The following CCDC191 variants were observed in gnomAD, a reference collection of about 807,000 sequenced individuals.
CCDC191 encodes coiled-coil domain-containing protein 191.
In CCDC191, 99 loss-of-function variants were observed where a neutral mutation model predicts 114.0. That is an observed-to-expected ratio of 0.87 (90% CI 0.74 to 1.03). The LOEUF (loss-of-function observed/expected upper bound fraction) is 1.03, where lower values mean the gene tolerates loss of function less well. Among genes scored for constraint, CCDC191 ranks in the 50% least tolerant of loss-of-function variants. The pLI is 0.00. For missense variants in CCDC191, 973 were observed against 1,087.0 expected, an observed-to-expected ratio of 0.90 and a Z score of 1.47; for synonymous variants, 351 against 376.0, an observed-to-expected ratio of 0.93 and a Z score of 0.77.
rs901778071 is a variant in CCDC191 at position 113,978,997 on chromosome 3, T to C, written c.2321A>G (p.His774Arg). Reference protein sequence around the residue: ...SKQNIQVAEEHYSLFLQRKYM... With the variant: ...SKQNIQVAEERYSLFLQRKYM... The stretch of plus-strand genomic sequence containing the variant: ...TTTCCTCTGCAGGAACAAAGAGTAA[T>C]GTTCTTCTGCCACCTGGACAATTTT... Residue 774 changes from histidine to arginine, a missense_variant, in exon 15 of 17, where the codon CAT becomes CGT. Physicochemically the swap from His to Arg is conservative, Grantham distance 29. Coordinates refer to ENST00000295878, the MANE Select transcript of CCDC191 (RefSeq NM_020817.2). 6.2e-7 allele frequency: 1 copy of C among 1,613,640 alleles called. No homozygotes were observed. Among genetic ancestry groups the C allele is most frequent in the Non-Finnish European group, 8.5e-7 (1 of 1,179,834 alleles).
intron 7 of CCDC191, among the ~76,000 whole-genome samples, chr3:114,028,780 T>C (rs1054548897): frequency 1.3e-5 from 2 of 150,282 alleles, no homozygotes; most frequent in East Asian, 3.9e-4. Flanking sequence ...TATATTTATA[T>C]ATACATATAT....
At chr3:113,985,159 C>A (rs554974302) in intron 13 of CCDC191, among the ~76,000 whole-genome samples, 12 of 152,144 alleles carry the variant, frequency 7.9e-5, no homozygotes, top group Admixed American at 3.9e-4. Context: ...CTTATAAGAA[C>A]GCTACCAGGC....
chr3:114,022,965 G>A lies in CCDC191; in HGVS notation c.973-4097C>T, dbSNP rs1185431751. Reference sequence around the variant, plus strand: ...GATTGTATATCTAGAAAACCCCATCGTCTCAGCCCAAAATCTCCTTAAGCT... The same window carrying A: ...GATTGTATATCTAGAAAACCCCATCATCTCAGCCCAAAATCTCCTTAAGCT... On this transcript the variant is annotated intron_variant, in intron 7 of 16. Transcript: ENST00000295878. 5.9e-5 allele frequency among the ~76,000 whole-genome samples: 9 copies of A among 152,200 alleles called. No individual in the cohort carries two copies. The South Asian group carries it at 6.2e-4, about 11-fold the overall frequency.
chr3:114,046,849 T>C (rs968185664), intron 2 of CCDC191, 117 bp from the exon 3 acceptor site: 2 of 1,395,574 alleles, frequency 1.4e-6, no homozygotes, highest in Non-Finnish European at 9.3e-7. Context: ...CGTTCATTTT[T>C]CCATTTTTGG....
chr3:113,976,799 G>GTTA (rs953966144), intron 16 of CCDC191, among the ~76,000 whole-genome samples: 5 of 152,100 alleles, frequency 3.3e-5, no homozygotes, highest in African/African-American at 9.7e-5. Flanking sequence ...GCTTTGAAAG[G>GTTA]TTATTTGTTC....
At chr3:113,995,463 G>T (rs551062183) in intron 13 of CCDC191, among the ~76,000 whole-genome samples, 16 of 152,120 alleles carry the variant, frequency 1.1e-4, no homozygotes, top group Non-Finnish European at 1.9e-4. Context: ...GAATGTCAGG[G>T]ATTCCAGGAT....
At chr3:113,973,344 C>T (rs1471183161) in intron 16 of CCDC191, among the ~76,000 whole-genome samples, 1 of 152,114 alleles carries the variant, frequency 6.6e-6, no homozygotes, top group Non-Finnish European at 1.5e-5. Flanking sequence ...TGATTGCACA[C>T]CACAATTACA....
At chr3:114,006,610 A>ATATATATATAAATATATATATTT (rs2075969984) in intron 9 of CCDC191, among the ~76,000 whole-genome samples, 1 of 128,382 alleles carries the variant, frequency 7.8e-6, no homozygotes, top group African/African-American at 3.0e-5. Flanking sequence ...ATATATATAT[A>ATATATATATAAATATATATATTT]TATATATAAA....
At chr3:113,966,316 A>G (rs777944285) in intron 16 of CCDC191, among the ~76,000 whole-genome samples, 6 of 152,156 alleles carry the variant, frequency 3.9e-5, no homozygotes, top group Non-Finnish European at 5.9e-5. Flanking sequence ...GAAGCATGCA[A>G]TGGCCTTTTA....
intron 16 of CCDC191, among the ~76,000 whole-genome samples, chr3:113,969,649 G>A (rs557849206): frequency 1.3e-5 from 2 of 152,240 alleles, no homozygotes; most frequent in African/African-American, 4.8e-5. Context: ...TCAAAGATGA[G>A]TTGGTTGTAA....
At chr3:113,965,884 T>C (rs1385670520) in intron 16 of CCDC191, among the ~76,000 whole-genome samples, 3 of 152,120 alleles carry the variant, frequency 2.0e-5, no homozygotes, top group Non-Finnish European at 4.4e-5. Context: ...TGTGGGCCAC[T>C]GTGCCTGGCC....
chr3:114,012,222 CGTGTGT>C (rs35908762), intron 8 of CCDC191, among the ~76,000 whole-genome samples: 3 of 150,508 alleles, frequency 2.0e-5, no homozygotes, highest in Non-Finnish European at 1.5e-5. Flanking sequence ...ACTCAATATA[CGTGTGT>C]GTGTGTGTGT....
At chr3:114,049,597 T>G (rs150024464) in intron 2 of CCDC191, among the ~76,000 whole-genome samples, 1 of 151,860 alleles carries the variant, frequency 6.6e-6, no homozygotes, top group Non-Finnish European at 1.5e-5. Context: ...GGTAGAGAGG[T>G]TGGGAGAGAA....
chr3:114,026,002 A>AG lies in CCDC191; in HGVS notation c.972+5623dup, dbSNP rs917375716. Among the ~76,000 whole-genome samples, 50 of 152,178 alleles carry AG rather than the reference A, an allele frequency of 3.3e-4. 1 individual carries two copies. The highest frequency in any genetic ancestry group is 3.7e-4 in the Non-Finnish European group (25 of 68,024). On this transcript the variant is annotated intron_variant, in intron 7 of 16. Coordinates refer to ENST00000295878, the MANE Select transcript of CCDC191 (RefSeq NM_020817.2). ...TATTCATCTGAAATGTCTAGTGTTT[A>AG]GGGGGGAAATATTCTACTCTATACA...
rs1040485092 is a variant in CCDC191 at position 113,971,097 on chromosome 3, G to A, written c.2607-5738C>T. 2.0e-5 allele frequency among the ~76,000 whole-genome samples: 3 copies of A among 152,104 alleles called. No individual in the cohort carries two copies. In the East Asian group the frequency reaches 5.8e-4, roughly 29 times the overall value. On this transcript the variant is annotated intron_variant, in intron 16 of 16. Coordinates refer to ENST00000295878, the MANE Select transcript of CCDC191 (RefSeq NM_020817.2). ...TATATACCCAGTAACGGGATGGGTG[G>A]GTCAAATGGTATTTCTAGTTCTAGA...
intron 4 of CCDC191, among the ~76,000 whole-genome samples, chr3:114,038,017 T>C (rs2076510527): frequency 6.6e-6 from 1 of 152,206 alleles, no homozygotes; most frequent in Non-Finnish European, 1.5e-5. Context: ...GCTTACCTTT[T>C]CAAGAAACTA....
chr3:113,989,013 G>A (rs2075467301), intron 13 of CCDC191, among the ~76,000 whole-genome samples: 3 of 152,126 alleles, frequency 2.0e-5, no homozygotes, highest in Admixed American at 6.5e-5. Flanking sequence ...AGCCAGGATA[G>A]TCTTGATCTC....
intron 13 of CCDC191, among the ~76,000 whole-genome samples, chr3:113,985,513 G>C (rs1157902461): frequency 1.3e-5 from 2 of 152,198 alleles, no homozygotes; most frequent in Non-Finnish European, 2.9e-5. Context: ...TACCACTGGA[G>C]TGGGAACAGA....
rs925867473 is a variant in CCDC191 at position 113,982,861 on chromosome 3, A to AC, written c.2164-2069_2164-2068insG. ...CCCCTCTTCAAAACAAAAAAACAAA[A>AC]AAAAAAAAACCAAAAATAAAAAATA... On this transcript the variant is annotated intron_variant, in intron 13 of 16. Coordinates refer to ENST00000295878, the MANE Select transcript of CCDC191 (RefSeq NM_020817.2). Among the ~76,000 whole-genome samples the AC allele has an allele frequency of 8.7e-4, 130 of 149,860 alleles. 1 individual carries two copies. The highest frequency in any genetic ancestry group is 1.6e-3 in the African/African-American group (65 of 40,270).
Sources: gnomAD v4.1 joint callset for allele counts (sites outside exome capture counted in the v4.1 genomes callset) on GRCh38, gnomAD v4.1.1 for gene constraint, MANE v1.5 for transcripts, NCBI Gene and HGNC (gene_info 2026-07-23, HGNC 2026-07-21) for gene names.